SCUBE2: variants seen among roughly 807,000 people sequenced by gnomAD.
The protein encoded by SCUBE2 is signal peptide, CUB domain and EGF like domain containing 2.
In SCUBE2, 114 loss-of-function variants were observed where a neutral mutation model predicts 125.9. The ratio of observed to expected loss-of-function variants is 0.91; its 90% CI spans 0.78 to 1.06. SCUBE2 has a LOEUF of 1.06. Ranked by LOEUF, SCUBE2 falls within the 50% of genes least tolerant of loss-of-function variation. The probability of loss-of-function intolerance (pLI) is 0.00; values close to 1 mark genes in which losing one functional copy is unlikely to be tolerated. For synonymous variants in SCUBE2, 459 were observed against 492.9 expected (o/e 0.93, Z 0.91); for missense variants, 1,255 against 1,301.8 (o/e 0.96, Z 0.55).
chr11:9,035,179 G>A (rs559709001), intron 16 of SCUBE2, among the ~76,000 whole-genome samples: 3 of 152,140 alleles, frequency 2.0e-5, no homozygotes, highest in East Asian at 1.9e-4. Flanking sequence ...CAGAGTCATC[G>A]CATTTCTAAT....
At chr11:9,061,028 T>C (rs1015823875) in intron 7 of SCUBE2, among the ~76,000 whole-genome samples, 4 of 152,164 alleles carry the variant, frequency 2.6e-5, no homozygotes, top group African/African-American at 9.7e-5. Flanking sequence ...AAATTTGAAG[T>C]TTCACTTTCC....
intron 4 of SCUBE2, among the ~76,000 whole-genome samples, chr11:9,069,834 G>A (rs920181383): frequency 6.6e-6 from 1 of 152,170 alleles, no homozygotes; most frequent in Non-Finnish European, 1.5e-5. Flanking sequence ...CCCAAGAGCT[G>A]ATCAAGAATG....
At chr11:9,048,905 G>A (rs1817311081) in intron 14 of SCUBE2, among the ~76,000 whole-genome samples, 1 of 152,162 alleles carries the variant, frequency 6.6e-6, no homozygotes, top group African/African-American at 2.4e-5. Context: ...TCAAGCCATA[G>A]GTCAACAGGG....
Position 9,089,695 on chromosome 11 carries a change from CA to C in SCUBE2, c.256+11del. 1 of 1,612,684 alleles carries C rather than the reference CA, an allele frequency of 6.2e-7. No individual in the cohort carries two copies. Among genetic ancestry groups the C allele is most frequent in the Non-Finnish European group, 8.5e-7 (1 of 1,179,204 alleles). The stretch of plus-strand genomic sequence containing the variant: ...CCCTACAGTCCCCCCACATGGTCCC[CA>C]AGGCACTTACCCTCACACTGCCTGC... On this transcript the variant is annotated intron_variant, in intron 2 of 22. Transcript: ENST00000649792.
At chr11:9,053,290 G>A (rs1330388748) in intron 11 of SCUBE2, 75 bp from the exon 12 acceptor site, 3 of 1,199,942 alleles carry the variant, frequency 2.5e-6, no homozygotes, top group East Asian at 2.3e-5. Flanking sequence ...TGAGTCCCAT[G>A]CACCAAAGGC....
intron 13 of SCUBE2, among the ~76,000 whole-genome samples, chr11:9,051,398 G>C (rs1182202360): frequency 6.6e-6 from 1 of 152,172 alleles, no homozygotes; most frequent in Non-Finnish European, 1.5e-5. Context: ...TTGGCGAAAC[G>C]GTGAAGGGCA....
At chr11:9,052,648 GA>G in intron 13 of SCUBE2, 97 bp downstream of exon 13, 10 of 908,852 alleles carry the variant, frequency 1.1e-5, no homozygotes, top group Middle Eastern at 4.5e-4. Context: ...GAAATTAACA[GA>G]AAAAAAACAA....
chr11:9,045,418 C>G (rs1053009554), intron 16 of SCUBE2, among the ~76,000 whole-genome samples: 3 of 151,992 alleles, frequency 2.0e-5, no homozygotes, highest in Non-Finnish European at 2.9e-5. Flanking sequence ...TCTCTCCCCC[C>G]AGGAGAGATG....
At chr11:9,042,799 T>C (rs1857370099) in intron 16 of SCUBE2, among the ~76,000 whole-genome samples, 1 of 152,180 alleles carries the variant, frequency 6.6e-6, no homozygotes, top group Non-Finnish European at 1.5e-5. Context: ...CTCTTTCCCC[T>C]TCTCAGTCCC....
intron 9 of SCUBE2, among the ~76,000 whole-genome samples, chr11:9,059,053 C>T (rs1408036222): frequency 6.6e-6 from 1 of 152,242 alleles, no homozygotes; most frequent in African/African-American, 2.4e-5. Context: ...GTGAGCTCTG[C>T]TGTCATCACA....
chr11:9,089,665 A>C, intron 2 of SCUBE2, 42 bp downstream of exon 2: 1 of 1,604,080 alleles, frequency 6.2e-7, no homozygotes. Context: ...AGGAGGTAGG[A>C]GCTTCCCTAC....
intron 2 of SCUBE2, among the ~76,000 whole-genome samples, chr11:9,080,133 A>G (rs1224168852): frequency 6.6e-6 from 1 of 152,210 alleles, no homozygotes; most frequent in Non-Finnish European, 1.5e-5. Flanking sequence ...TCCAGAAATA[A>G]ATCTTTCTAC....
intron 4 of SCUBE2, among the ~76,000 whole-genome samples, chr11:9,072,334 G>A (rs1590131889): frequency 6.6e-6 from 1 of 152,140 alleles, no homozygotes; most frequent in South Asian, 2.1e-4. Flanking sequence ...TCAGCCTCCT[G>A]AGTAGCTGGG....
intron 6 of SCUBE2, 93 bp from the exon 7 acceptor site, chr11:9,066,073 G>C (rs1860197610): frequency 1.2e-6 from 1 of 845,848 alleles, no homozygotes; most frequent in African/African-American, 1.7e-5. Flanking sequence ...CCAGACATAA[G>C]AGGAATGAAA....
In SCUBE2 at chr11:9,051,537, C is replaced by T. The variant is rs150678119; in HGVS notation, c.1535-827G>A. ...GGGAGTGAGGGTCCCACTGTGAGAG[C>T]CTGATGTGCAAAATTCTGTTCTCCT... On this transcript the variant is annotated intron_variant, in intron 13 of 22. Transcript: ENST00000649792. 3.3e-5 allele frequency among the ~76,000 whole-genome samples: 5 copies of T among 152,216 alleles called. No individual in the cohort carries two copies. The East Asian group carries it at 9.7e-4, about 29-fold the overall frequency.
chr11:9,060,575 C>T (rs1282172531), intron 7 of SCUBE2, 51 bp from the exon 8 acceptor site: 1 of 1,497,794 alleles, frequency 6.7e-7, no homozygotes, highest in East Asian at 2.3e-5. Flanking sequence ...AGTGCTGATA[C>T]AGCTGACGAA....
chr11:9,045,430 A>T (rs1022073989), intron 16 of SCUBE2, among the ~76,000 whole-genome samples: 23 of 152,236 alleles, frequency 1.5e-4, no homozygotes. Context: ...GGAGAGATGG[A>T]AGTGACTCCA....
chr11:9,066,841 A>C, intron 5 of SCUBE2, 28 bp from the exon 6 acceptor site: 1 of 1,549,862 alleles, frequency 6.5e-7, no homozygotes, highest in Non-Finnish European at 8.9e-7. Context: ...CAATACATAA[A>C]GCACTGAGAT....
At chr11:9,033,415 T>C (rs1191337842) in intron 17 of SCUBE2, among the ~76,000 whole-genome samples, 1 of 152,214 alleles carries the variant, frequency 6.6e-6, no homozygotes, top group Admixed American at 6.5e-5. Flanking sequence ...TTCTACCCCA[T>C]CTTCATTTAT....
Sources: gnomAD v4.1 joint callset for allele counts (sites outside exome capture counted in the v4.1 genomes callset) on GRCh38, gnomAD v4.1.1 for gene constraint, MANE v1.5 for transcripts, NCBI Gene and HGNC (gene_info 2026-07-23, HGNC 2026-07-21) for gene names.